The following NAALADL2 variants were observed in gnomAD, a reference collection of about 807,000 sequenced individuals.
The protein encoded by NAALADL2 is inactive N-acetylated-alpha-linked acidic dipeptidase-like protein 2.
NAALADL2 carries 76 observed loss-of-function variants against 87.2 expected under a neutral mutation model. That is an observed-to-expected ratio of 0.87 (90% CI 0.72 to 1.05). The LOEUF (loss-of-function observed/expected upper bound fraction) is 1.05. Among genes scored for constraint, NAALADL2 ranks in the 50% least tolerant of loss-of-function variants. The probability of loss-of-function intolerance (pLI) is 0.00; values close to 1 mark genes in which losing one functional copy is unlikely to be tolerated. For synonymous variants in NAALADL2, 354 were observed against 331.0 expected, an observed-to-expected ratio of 1.07 and a Z score of -0.75; for missense variants, 1,089 against 945.8, an observed-to-expected ratio of 1.15 and a Z score of -1.99.
At chr3:175,157,378 A>C (rs1201564425) in intron 2 of NAALADL2, among the ~76,000 whole-genome samples, 1 of 152,090 alleles carries the variant, frequency 6.6e-6, no homozygotes, top group African/African-American at 2.4e-5. Context: ...TCAAAACATC[A>C]GTTTTATCAT....
chr3:174,869,704 T>G (rs1391385010), intron 1 of NAALADL2, among the ~76,000 whole-genome samples: 2 of 151,970 alleles, frequency 1.3e-5, no homozygotes. Flanking sequence ...AGGCAAGAGA[T>G]AGTGTCAGTG....
At chr3:175,194,324 A>C (rs2109081336) in intron 2 of NAALADL2, among the ~76,000 whole-genome samples, 1 of 151,952 alleles carries the variant, frequency 6.6e-6, no homozygotes, top group East Asian at 1.9e-4. Flanking sequence ...GACAGAAACT[A>C]AAACAGAGAT....
chr3:175,273,309 T>C (rs753002676), intron 4 of NAALADL2, among the ~76,000 whole-genome samples: 5 of 152,132 alleles, frequency 3.3e-5, no homozygotes, highest in East Asian at 1.9e-4. Flanking sequence ...ACATGACAAA[T>C]TGACCTTCCT....
intron 11 of NAALADL2, among the ~76,000 whole-genome samples, chr3:175,627,931 T>C (rs1202175566): frequency 2.0e-5 from 3 of 149,960 alleles, no homozygotes; most frequent in Admixed American, 1.3e-4. Flanking sequence ...TTTAAATAGG[T>C]AAGGTACTTG....
chr3:174,828,108 A>G (rs1722202146), intron 3 of NAALADL2, among the ~76,000 whole-genome samples: 1 of 152,180 alleles, frequency 6.6e-6, no homozygotes, highest in Non-Finnish European at 1.5e-5. Flanking sequence ...GCTTGAGCCC[A>G]GGAATGGACT....
intron 2 of NAALADL2, among the ~76,000 whole-genome samples, chr3:174,619,564 C>A (rs1170677828): frequency 6.6e-6 from 1 of 151,850 alleles, no homozygotes; most frequent in Non-Finnish European, 1.5e-5. Flanking sequence ...TGCTTTTGGT[C>A]TTCAATTTCA....
rs116822250 is a variant in NAALADL2, at chr3:175,615,455, A to G, written c.1801-11836A>G. On this transcript the variant is annotated intron_variant, in intron 10 of 13. Coordinates refer to ENST00000454872, the MANE Select transcript of NAALADL2 (RefSeq NM_207015.3). ...AATCCCTATGATGATTTTATGAGAG[A>G]TAAAATTATTGGTATCCATTTTATA... 6.0e-3 allele frequency among the ~76,000 whole-genome samples: 919 copies of G among 152,308 alleles called. 5 individuals are homozygous for G. Among genetic ancestry groups the G allele is most frequent in the African/African-American group, 0.021 (859 of 41,570 alleles).
At chr3:174,827,028 A>T (rs1231395194) in intron 3 of NAALADL2, among the ~76,000 whole-genome samples, 1 of 152,202 alleles carries the variant, frequency 6.6e-6, no homozygotes, top group Non-Finnish European at 1.5e-5. Flanking sequence ...TTCATAGCCT[A>T]AAATTTATAT....
At chr3:174,766,580 A>G (rs890197005) in intron 3 of NAALADL2, among the ~76,000 whole-genome samples, 1 of 152,222 alleles carries the variant, frequency 6.6e-6, no homozygotes, top group African/African-American at 2.4e-5. Context: ...TGCCTGTACC[A>G]TGTAGGCTAC....
chr3:175,152,466 A>G (rs1194740310), intron 2 of NAALADL2, among the ~76,000 whole-genome samples: 1 of 152,190 alleles, frequency 6.6e-6, no homozygotes, highest in Non-Finnish European at 1.5e-5. Context: ...TATTATTTAT[A>G]CTTTTTTATG....
intron 13 of NAALADL2, among the ~76,000 whole-genome samples, chr3:175,764,818 A>G (rs1223645094): frequency 6.6e-6 from 1 of 152,000 alleles, no homozygotes; most frequent in Non-Finnish European, 1.5e-5. Context: ...AGAGGTTGAA[A>G]CCCAAACCCC....
intron 1 of NAALADL2, among the ~76,000 whole-genome samples, chr3:175,050,185 C>G (rs759097701): frequency 6.6e-6 from 1 of 152,158 alleles, no homozygotes; most frequent in Non-Finnish European, 1.5e-5. Context: ...CCGGGATAGG[C>G]TCTGGCAACC....
chr3:175,410,781 G>A (rs956282714), intron 5 of NAALADL2, among the ~76,000 whole-genome samples: 3 of 152,148 alleles, frequency 2.0e-5, no homozygotes, highest in Non-Finnish European at 2.9e-5. Flanking sequence ...CCTTAGCTTA[G>A]AGAACTCGGC....
intron 2 of NAALADL2, among the ~76,000 whole-genome samples, chr3:174,578,792 G>C (rs73882444): frequency 0.016 from 2,462 of 151,764 alleles, 69 homozygotes; most frequent in African/African-American, 0.055. Flanking sequence ...GTATACTCAG[G>C]AAACTCCATC....
At chr3:174,692,599 A>G (rs1241279285) in intron 2 of NAALADL2, among the ~76,000 whole-genome samples, 1 of 152,072 alleles carries the variant, frequency 6.6e-6, no homozygotes. Flanking sequence ...GCTTAGGGCC[A>G]CTATGGATAT....
At chr3:175,574,204 T>A (rs1053516680) in intron 9 of NAALADL2, among the ~76,000 whole-genome samples, 3 of 152,208 alleles carry the variant, frequency 2.0e-5, no homozygotes, top group Non-Finnish European at 2.9e-5. Flanking sequence ...CATGGTGATC[T>A]GAAAAGGAAA....
chr3:175,051,525 G>A (rs9873308), intron 1 of NAALADL2, among the ~76,000 whole-genome samples: 27,546 of 152,138 alleles, frequency 0.18, 2,710 homozygotes, highest in Middle Eastern at 0.32. Flanking sequence ...CTGTTCCATA[G>A]CTTCTGCACT....
intron 3 of NAALADL2, among the ~76,000 whole-genome samples, chr3:174,803,716 T>C (rs1719115972): frequency 6.6e-6 from 1 of 152,210 alleles, no homozygotes; most frequent in Non-Finnish European, 1.5e-5. Flanking sequence ...GCACCATTTA[T>C]TAAATAGGGA....
chr3:174,756,818 C>T (rs1006828922), intron 3 of NAALADL2, among the ~76,000 whole-genome samples: 1 of 152,190 alleles, frequency 6.6e-6, no homozygotes, highest in Non-Finnish European at 1.5e-5. Context: ...CTTCTCATAT[C>T]TTCTGGCCTT....
Sources: allele counts gnomAD v4.1 joint callset (sites outside exome capture counted in the v4.1 genomes callset), GRCh38; gene constraint gnomAD v4.1.1; transcripts MANE v1.5; gene names NCBI Gene and HGNC (gene_info 2026-07-23, HGNC 2026-07-21).